The following ANKUB1 variants were observed in gnomAD, a reference collection of about 807,000 sequenced individuals.
The protein encoded by ANKUB1 is protein ANKUB1.
In ANKUB1, 42 loss-of-function variants were observed where a neutral mutation model predicts 49.3. That is an observed-to-expected ratio of 0.85 (90% CI 0.67 to 1.10). The LOEUF (loss-of-function observed/expected upper bound fraction) is 1.10, where lower values mean the gene tolerates loss of function less well. Among genes scored for constraint, ANKUB1 ranks in the 50% least tolerant of loss-of-function variants. ANKUB1 has a pLI of 0.00. For synonymous variants in ANKUB1, 222 were observed against 231.0 expected, an observed-to-expected ratio of 0.96 and a Z score of 0.35; for missense variants, 613 against 642.0, an observed-to-expected ratio of 0.95 and a Z score of 0.49.
intron 3 of ANKUB1, among the ~76,000 whole-genome samples, chr3:149,774,359 C>T (rs1426805989): frequency 6.6e-6 from 1 of 152,196 alleles, no homozygotes. Flanking sequence ...CTGAGGATCA[C>T]CCTCTGCCTT....
chr3:149,780,195 C>T (rs1224009823), intron 3 of ANKUB1, 44 bp downstream of exon 3: 1 of 1,508,590 alleles, frequency 6.6e-7, no homozygotes, highest in South Asian at 1.2e-5. Flanking sequence ...ATCAAAGGAC[C>T]CTAGTGCCAA....
rs562214921 is a variant in ANKUB1 at position 149,770,250 on chromosome 3, G to C, written c.566+310C>G. 3.3e-5 allele frequency among the ~76,000 whole-genome samples: 5 copies of C among 152,278 alleles called. No individual in the cohort carries two copies. In the East Asian group the frequency reaches 9.6e-4, roughly 29 times the overall value. The stretch of plus-strand genomic sequence containing the variant: ...TAGCTAAGTTTTGGGGAAGTCAAAA[G>C]TTATATGGGAATTTTCAACTGTATG... On this transcript the variant is annotated intron_variant, in intron 4 of 5. Coordinates refer to ENST00000446160, the MANE Select transcript of ANKUB1 (RefSeq NM_001144960.3).
intron 5 of ANKUB1, chr3:149,763,863 T>C (rs1436224025): frequency 8.8e-6 from 4 of 455,768 alleles, no homozygotes; most frequent in Non-Finnish European, 1.8e-5. Context: ...CATAATGCCA[T>C]CTTGGAGTCA....
At chr3:149,763,461 A>G (rs1047780289) in intron 5 of ANKUB1, among the ~76,000 whole-genome samples, 1 of 152,246 alleles carries the variant, frequency 6.6e-6, no homozygotes, top group Non-Finnish European at 1.5e-5. Context: ...TGATTAAAAC[A>G]TACAAGATAT....
intron 3 of ANKUB1, among the ~76,000 whole-genome samples, chr3:149,772,024 CT>C (rs398062912): frequency 0.035 from 4,612 of 133,150 alleles, 82 homozygotes; most frequent in Non-Finnish European, 0.041. Flanking sequence ...TCCATCCTTC[CT>C]TTTTTTTTTT....
At chr3:149,776,497 T>TA (rs1717601503) in intron 3 of ANKUB1, among the ~76,000 whole-genome samples, 1 of 152,230 alleles carries the variant, frequency 6.6e-6, no homozygotes, top group Non-Finnish European at 1.5e-5. Context: ...TTAGAAGACT[T>TA]CAGTTGTACT....
intron 3 of ANKUB1, 158 bp downstream of exon 3, chr3:149,780,081 T>C (rs1717787869): frequency 1.5e-6 from 1 of 670,376 alleles, no homozygotes; most frequent in Non-Finnish European, 2.5e-6. Context: ...ATTTAAACTA[T>C]GTAAATGTGT....
chr3:149,780,231 G>A lies in ANKUB1; in HGVS notation c.451+8C>T. 1 of 1,550,736 alleles carries A rather than the reference G, an allele frequency of 6.4e-7. No individual in the cohort carries two copies. Among genetic ancestry groups the A allele is most frequent in the South Asian group, 1.2e-5 (1 of 84,036 alleles). ...ATGGTAGCTGATATCAAATATACTGGGCAGTACCAATATCAGTCTGGTAGT... is the reference window on the plus strand; with the variant it reads ...ATGGTAGCTGATATCAAATATACTGAGCAGTACCAATATCAGTCTGGTAGT... On this transcript the variant is annotated splice_region_variant and intron_variant, in intron 3 of 5. Coordinates refer to ENST00000446160, the MANE Select transcript of ANKUB1 (RefSeq NM_001144960.3).
intron 5 of ANKUB1, among the ~76,000 whole-genome samples, chr3:149,764,991 A>T (rs1346393443): frequency 6.6e-6 from 1 of 152,210 alleles, no homozygotes; most frequent in African/African-American, 2.4e-5. Flanking sequence ...GTGAACGCAG[A>T]TGTCCACCAA....
At chr3:149,782,871 T>G (rs1474565672) in intron 2 of ANKUB1, among the ~76,000 whole-genome samples, 2 of 152,118 alleles carry the variant, frequency 1.3e-5, no homozygotes, top group Admixed American at 1.3e-4. Context: ...AAATAAAAAG[T>G]GCAAGGAAGA....
rs1323840251 is a variant in ANKUB1 at position 149,761,102 on chromosome 3, T to C, written c.*382A>G. On this transcript the variant is annotated 3_prime_UTR_variant, in exon 6 of 6. Coordinates refer to ENST00000446160, the MANE Select transcript of ANKUB1 (RefSeq NM_001144960.3). ...ATATAATTTAAAAATTTTATTTATT[T>C]TTAAATATGTTCTACATTCATATGG... The C allele has an allele frequency of 6.6e-6, 1 of 152,388 alleles. No homozygotes were observed. The highest frequency in any genetic ancestry group is 1.5e-5 in the Non-Finnish European group (1 of 68,276). 9.4% of individuals were successfully genotyped at this position (152,388 alleles called of 1,614,324 possible).
At chr3:149,788,763 T>C (rs1718225709) in intron 2 of ANKUB1, among the ~76,000 whole-genome samples, 1 of 151,978 alleles carries the variant, frequency 6.6e-6, no homozygotes, top group African/African-American at 2.4e-5. Context: ...GGAGAGTTTT[T>C]TCTTTTTCTT....
chr3:149,786,034 T>C (rs1718084192), intron 2 of ANKUB1, among the ~76,000 whole-genome samples: 1 of 152,124 alleles, frequency 6.6e-6, no homozygotes, highest in African/African-American at 2.4e-5. Context: ...TTTATTTATT[T>C]ATTTATTTAT....
At position 149,768,113 on chromosome 3, in the gene ANKUB1, G is replaced by GT. The variant is rs1717148810; in HGVS notation, c.567-19dup. The GT allele has an allele frequency of 7.5e-7, 1 of 1,327,384 alleles. No individual in the cohort carries two copies. Among genetic ancestry groups the GT allele is most frequent in the Non-Finnish European group, 9.8e-7 (1 of 1,023,568 alleles). 82.2% of individuals were successfully genotyped at this position (1,327,384 alleles called of 1,614,324 possible). On this transcript the variant is annotated intron_variant, in intron 4 of 5. Transcript: ENST00000446160. The stretch of plus-strand genomic sequence containing the variant: ...TCTGATACCTAAATGAGTGAAACAA[G>GT]TGGGGAGGGGGTGTTTAGAAAATCA...
chr3:149,763,929 G>A (rs1716880489), intron 5 of ANKUB1: 1 of 456,070 alleles, frequency 2.2e-6, no homozygotes, highest in Admixed American at 2.4e-5. Flanking sequence ...AATGACATGT[G>A]GTCCAACAAG....
chr3:149,780,327 G>A lies in ANKUB1; in HGVS notation c.363C>T (p.Gly121=), dbSNP rs980316724. 5.9e-5 allele frequency: 91 copies of A among 1,551,708 alleles called. No homozygotes were observed. Among genetic ancestry groups the A allele is most frequent in the Non-Finnish European group, 7.4e-5 (85 of 1,147,030 alleles). The change falls in exon 3 of 6, where the codon GGC becomes GGT. Residue 121 remains glycine (G), a synonymous_variant. Transcript: ENST00000446160. ...DLRTLVTLRC[G]LPVSVYCLRT... is the part of the protein sequence containing the mutation. ...GGAGACAGTAGACACTCACGGGGAGGCCACATCTCAGAGTTACCAGTGTTC... is the reference window on the plus strand; with the variant it reads ...GGAGACAGTAGACACTCACGGGGAGACCACATCTCAGAGTTACCAGTGTTC...
chr3:149,785,118 G>A lies in ANKUB1; in HGVS notation c.235-4663C>T, dbSNP rs754681741. On this transcript the variant is annotated intron_variant, in intron 2 of 5. Transcript: ENST00000446160. ...ATGGTTTATAGGAACACAGTGAACC[G>A]CAACACCATCAGCAATAAATCGTCA... is the stretch of plus-strand genomic sequence containing the variant. Among the ~76,000 whole-genome samples the A allele has an allele frequency of 8.5e-5, 13 of 152,168 alleles. No homozygotes were observed. In the South Asian group the frequency reaches 2.5e-3, roughly 29 times the overall value.
intron 2 of ANKUB1, among the ~76,000 whole-genome samples, chr3:149,782,489 G>A (rs921390103): frequency 2.6e-5 from 4 of 152,062 alleles, no homozygotes; most frequent in Non-Finnish European, 5.9e-5. Flanking sequence ...AGATAAGCAT[G>A]TATAACTTAG....
intron 5 of ANKUB1, chr3:149,766,817 A>AAGCAGC (rs11268295): frequency 0.064 from 57,538 of 898,104 alleles, 5,751 homozygotes; most frequent in East Asian, 0.16. Context: ...GAAAAAAGAA[A>AAGCAGC]AGCAGCAGCA....
Sources: gnomAD v4.1 joint callset for allele counts (sites outside exome capture counted in the v4.1 genomes callset) on GRCh38, gnomAD v4.1.1 for gene constraint, MANE v1.5 for transcripts, NCBI Gene and HGNC (gene_info 2026-07-23, HGNC 2026-07-21) for gene names.